HMGB1: variants seen among roughly 807,000 people sequenced by gnomAD.
The protein encoded by HMGB1 is high mobility group box 1, also known as high mobility group protein B1.
For missense variants in HMGB1, 79 were observed against 253.5 expected (o/e 0.31, Z 4.67); for synonymous variants, 81 against 84.0 (o/e 0.96, Z 0.19).
intron 1 of HMGB1, among the ~76,000 whole-genome samples, chr13:30,582,613 G>A (rs1053322751): frequency 1.2e-4 from 18 of 151,864 alleles, no homozygotes; most frequent in African/African-American, 4.1e-4. Context: ...ACTCCAGCCT[G>A]GGTGACAGAG....
At chr13:30,464,146 A>G (rs1303770855) in intron 1 of HMGB1, 1 of 233,078 alleles carries the variant, frequency 4.3e-6, no homozygotes. Context: ...TGGGACCTTA[A>G]AAAAAAAAAA....
intron 1 of HMGB1, among the ~76,000 whole-genome samples, chr13:30,577,583 T>A (rs778595869): frequency 6.6e-6 from 1 of 152,148 alleles, no homozygotes; most frequent in Non-Finnish European, 1.5e-5. Flanking sequence ...CTCTCTCACA[T>A]CTACCTACCT....
rs1950403114 is a variant in HMGB1 at position 30,601,714 on chromosome 13, C to A, written c.-15+14957G>T. Among the ~76,000 whole-genome samples the A allele has an allele frequency of 6.6e-5, 2 of 30,262 alleles. 1 individual carries two copies. Among genetic ancestry groups the A allele is most frequent in the Non-Finnish European group, 1.0e-4 (2 of 19,250 alleles). The allele number at this position is 30,262 out of a possible 152,430, so 19.9% of individuals were successfully genotyped here. A position where few individuals can be genotyped will look rare whatever the true frequency, so the allele number is the denominator to read the frequency against. On this transcript the variant is annotated intron_variant, in intron 1 of 4. Transcript: ENST00000405805. The stretch of plus-strand genomic sequence containing the variant: ...TGAGCCGAGATCCCGCCACTGCACT[C>A]CAGCCTGGGCGACAGAGCGAGACTC...
At chr13:30,500,355 G>T (rs1294747268) in intron 1 of HMGB1, among the ~76,000 whole-genome samples, 1 of 152,082 alleles carries the variant, frequency 6.6e-6, no homozygotes, top group Admixed American at 6.6e-5. Flanking sequence ...GGAGATGCAA[G>T]TTGAGTATGA....
chr13:30,540,362 G>T, intron 1 of HMGB1: 1 of 159,416 alleles, frequency 6.3e-6, no homozygotes, highest in South Asian at 1.7e-4. Context: ...ACGACACTGG[G>T]GGATGTGTCT....
At chr13:30,589,853 G>C (rs961999516) in intron 1 of HMGB1, among the ~76,000 whole-genome samples, 1 of 151,338 alleles carries the variant, frequency 6.6e-6, no homozygotes, top group African/African-American at 2.4e-5. Flanking sequence ...CTGGGCAACA[G>C]AGTGAGACTC....
intron 1 of HMGB1, among the ~76,000 whole-genome samples, chr13:30,523,946 C>A (rs1192994628): frequency 6.6e-6 from 1 of 151,890 alleles, no homozygotes; most frequent in Non-Finnish European, 1.5e-5. Flanking sequence ...GTGTATTAGT[C>A]CATTTTCACA....
intron 1 of HMGB1, among the ~76,000 whole-genome samples, chr13:30,478,807 T>C (rs1021297854): frequency 1.3e-5 from 2 of 151,948 alleles, no homozygotes; most frequent in African/African-American, 2.4e-5. Context: ...GCTGGGATTA[T>C]AGGCATGAGC....
chr13:30,472,044 GA>G (rs1886957102), intron 1 of HMGB1, among the ~76,000 whole-genome samples: 1 of 151,772 alleles, frequency 6.6e-6, no homozygotes, highest in Admixed American at 6.6e-5. Context: ...TTGGGAGGCA[GA>G]AGTGGGTGGA....
chr13:30,460,332 A>G lies in HMGB1; in HGVS notation c.*1025T>C, dbSNP rs1261956447. Reference sequence around the variant, plus strand: ...GAAAGTCTCGTTTCCTGAGCAGTCCATATTTAGATAAATGGGAAAAGACAT... The same window carrying G: ...GAAAGTCTCGTTTCCTGAGCAGTCCGTATTTAGATAAATGGGAAAAGACAT... On this transcript the variant is annotated 3_prime_UTR_variant, in exon 5 of 5. Coordinates refer to ENST00000341423, the MANE Select transcript of HMGB1 (RefSeq NM_002128.7). 3.3e-5 allele frequency: 5 copies of G among 151,220 alleles called. No homozygotes were observed. The highest frequency in any genetic ancestry group is 9.7e-5 in the African/African-American group (4 of 41,050). The allele number at this position is 151,220 out of a possible 1,614,324, so 9.4% of individuals were successfully genotyped here.
intron 1 of HMGB1, among the ~76,000 whole-genome samples, chr13:30,521,888 C>T (rs1045642353): frequency 6.6e-6 from 1 of 152,176 alleles, no homozygotes; most frequent in Non-Finnish European, 1.5e-5. Context: ...TTGTTATTAT[C>T]TGTTTTTGTG....
intron 1 of HMGB1, among the ~76,000 whole-genome samples, chr13:30,531,639 C>T (rs1184429454): frequency 6.6e-6 from 1 of 151,824 alleles, no homozygotes; most frequent in Non-Finnish European, 1.5e-5. Flanking sequence ...GTGGCTCACG[C>T]CTGTAATCCC....
chr13:30,463,012 C>A (rs1174084223), intron 3 of HMGB1, among the ~76,000 whole-genome samples, 195 bp downstream of exon 3: 1 of 152,162 alleles, frequency 6.6e-6, no homozygotes, highest in African/African-American at 2.4e-5. Context: ...GACCAAATGT[C>A]TAATTCAAAT....
intron 1 of HMGB1, among the ~76,000 whole-genome samples, chr13:30,550,737 C>G (rs1016028004): frequency 1.3e-5 from 2 of 152,132 alleles, no homozygotes; most frequent in African/African-American, 2.4e-5. Context: ...GACTCACTCC[C>G]AAGAGGAAAT....
chr13:30,597,852 T>C (rs1871685929), intron 1 of HMGB1, among the ~76,000 whole-genome samples: 1 of 152,118 alleles, frequency 6.6e-6, no homozygotes, highest in South Asian at 2.1e-4. Flanking sequence ...TGACCCCTGG[T>C]GTGTAGGGTT....
intron 1 of HMGB1, among the ~76,000 whole-genome samples, chr13:30,476,118 CTT>C (rs71093065): frequency 5.5e-4 from 60 of 109,496 alleles, no homozygotes; most frequent in African/African-American, 1.7e-3. Flanking sequence ...GTGGCATGTA[CTT>C]TTTTTTTTTT....
At chr13:30,587,173 G>A (rs1297926963) in intron 1 of HMGB1, among the ~76,000 whole-genome samples, 1 of 152,098 alleles carries the variant, frequency 6.6e-6, no homozygotes, top group Non-Finnish European at 1.5e-5. Context: ...ATCAGTACTG[G>A]TGTCAAAGAA....
At chr13:30,464,842 G>A (rs1413104161) in intron 1 of HMGB1, 29 of 155,706 alleles carry the variant, frequency 1.9e-4, no homozygotes, top group Admixed American at 6.1e-4. Context: ...GGCGGGCGGG[G>A]TGCGAGCCGC....
intron 1 of HMGB1, among the ~76,000 whole-genome samples, chr13:30,484,070 C>T (rs1887302384): frequency 6.6e-6 from 1 of 152,166 alleles, no homozygotes; most frequent in South Asian, 2.1e-4. Context: ...GATAACCTTA[C>T]ACCTGTCCAA....
Sources: allele counts gnomAD v4.1 joint callset (sites outside exome capture counted in the v4.1 genomes callset), GRCh38; gene constraint gnomAD v4.1.1; transcripts MANE v1.5; gene names NCBI Gene and HGNC (gene_info 2026-07-23, HGNC 2026-07-21).